The following NTN1 variants were observed in gnomAD, a reference collection of about 807,000 sequenced individuals.
NTN1 encodes netrin 1.
A neutral mutation model predicts 54.2 loss-of-function variants in NTN1; 11 were observed. That is an observed-to-expected ratio of 0.20 (90% CI 0.13 to 0.34). The LOEUF (loss-of-function observed/expected upper bound fraction) is 0.34. NTN1 is among the 10% of genes least tolerant of loss of function. NTN1 has a pLI of 1.00. For missense variants in NTN1, 740 were observed against 893.1 expected (o/e 0.83, Z 2.18); for synonymous variants, 371 against 382.0 (o/e 0.97, Z 0.33).
intron 2 of NTN1, among the ~76,000 whole-genome samples, chr17:9,072,863 G>A (rs1359166305): frequency 6.6e-6 from 1 of 152,234 alleles, no homozygotes; most frequent in Non-Finnish European, 1.5e-5. Context: ...AACCAGCAAA[G>A]CAGCTGCTGT....
rs748383797 is a variant in NTN1, at chr17:9,243,074, T to C, written c.*3106T>C. 2.0e-5 allele frequency: 3 copies of C among 152,254 alleles called. No homozygotes were observed. The highest frequency in any genetic ancestry group is 4.4e-5 in the Non-Finnish European group (3 of 68,038). 9.4% of individuals were successfully genotyped at this position (152,254 alleles called of 1,614,324 possible). A position where few individuals can be genotyped will look rare whatever the true frequency, so the allele number is the denominator to read the frequency against. ...TTTTCTTACCAGCTGGGTGGTCTGG[T>C]GCCCCTGACAGCTGAGTGCCTGCTT... On this transcript the variant is annotated 3_prime_UTR_variant, in exon 7 of 7. Transcript: ENST00000173229.
chr17:9,232,410 A>C (rs1315193469), intron 6 of NTN1, among the ~76,000 whole-genome samples: 4 of 152,194 alleles, frequency 2.6e-5, no homozygotes, highest in African/African-American at 9.7e-5. Context: ...CCCACCTCCC[A>C]GGGGACAGGG....
At chr17:9,033,134 A>T (rs2091892920) in intron 2 of NTN1, among the ~76,000 whole-genome samples, 2 of 151,902 alleles carry the variant, frequency 1.3e-5, no homozygotes, top group African/African-American at 4.8e-5. Context: ...TTATATTTTT[A>T]GTAGAGATGG....
chr17:9,030,425 T>G (rs2091885152), intron 2 of NTN1, among the ~76,000 whole-genome samples: 1 of 152,196 alleles, frequency 6.6e-6, no homozygotes, highest in Admixed American at 6.5e-5. Context: ...TGCAGTGCAT[T>G]GGTGCATGTG....
intron 3 of NTN1, among the ~76,000 whole-genome samples, chr17:9,178,176 A>C (rs2092406319): frequency 6.6e-6 from 1 of 152,214 alleles, no homozygotes; most frequent in African/African-American, 2.4e-5. Flanking sequence ...TAGCCTGGGC[A>C]ACAAGAGTGA....
In NTN1 at chr17:9,243,314, AAGGCCCT is replaced by A. The variant is rs1567751622; in HGVS notation, c.*3347_*3353del. ...GCCCAGGGAGGCTGGGAGCTGCTCC[AAGGCCCT>A]GGAACTCTGCCTCAGTCGCGGCATG... On this transcript the variant is annotated 3_prime_UTR_variant, in exon 7 of 7. Transcript: ENST00000173229. 1.2e-4 allele frequency: 18 copies of A among 152,258 alleles called. No individual in the cohort carries two copies. Among genetic ancestry groups the A allele is most frequent in the Admixed American group, 1.2e-3 (18 of 15,286 alleles). 9.4% of individuals were successfully genotyped at this position (152,258 alleles called of 1,614,324 possible).
intron 3 of NTN1, chr17:9,173,207 C>T (rs2092391980): frequency 6.6e-6 from 1 of 152,500 alleles, no homozygotes; most frequent in African/African-American, 2.4e-5. Context: ...CGCCACCTTA[C>T]ATTAGGTCCG....
chr17:9,186,666 C>T (rs1318418629), intron 5 of NTN1, among the ~76,000 whole-genome samples: 1 of 152,212 alleles, frequency 6.6e-6, no homozygotes, highest in Non-Finnish European at 1.5e-5. Context: ...GGCAGCTGAA[C>T]CTCTCCGAGA....
intron 3 of NTN1, chr17:9,173,748 G>C (rs922677399): frequency 6.6e-6 from 1 of 152,310 alleles, no homozygotes; most frequent in Non-Finnish European, 1.5e-5. Context: ...TGGCTCCAGG[G>C]TTCAGCCCTC....
intron 5 of NTN1, among the ~76,000 whole-genome samples, chr17:9,184,591 C>T (rs781294094): frequency 5.3e-5 from 8 of 152,308 alleles, no homozygotes; most frequent in Non-Finnish European, 1.0e-4. Flanking sequence ...CTGAGGCTTC[C>T]GAGCAGGGGC....
At chr17:9,100,088 AC>A (rs113218154) in intron 2 of NTN1, among the ~76,000 whole-genome samples, 26,844 of 150,708 alleles carry the variant, frequency 0.18, 2,842 homozygotes, top group Non-Finnish European at 0.24. Flanking sequence ...TGCTGGGAAT[AC>A]TGACATGAGC....
At chr17:9,153,310 G>T (rs777684273) in intron 2 of NTN1, among the ~76,000 whole-genome samples, 3 of 152,108 alleles carry the variant, frequency 2.0e-5, no homozygotes, top group Non-Finnish European at 2.9e-5. Flanking sequence ...TTAGCAGGGC[G>T]TGGTGGCGGG....
intron 3 of NTN1, among the ~76,000 whole-genome samples, chr17:9,163,955 G>A (rs1393307912): frequency 6.6e-6 from 1 of 152,262 alleles, no homozygotes; most frequent in Non-Finnish European, 1.5e-5. Flanking sequence ...TCCTGACCTG[G>A]ACTTGTGTAG....
intron 2 of NTN1, among the ~76,000 whole-genome samples, chr17:9,141,161 A>C (rs984950711): frequency 6.6e-6 from 1 of 151,678 alleles, no homozygotes; most frequent in Non-Finnish European, 1.5e-5. Context: ...AGATGTGGGG[A>C]CTAGAGATAT....
At chr17:9,049,348 C>T (rs1342485314) in intron 2 of NTN1, among the ~76,000 whole-genome samples, 1 of 152,012 alleles carries the variant, frequency 6.6e-6, no homozygotes, top group African/African-American at 2.4e-5. Flanking sequence ...AAAGATGCCA[C>T]CTGAACCAAC....
At chr17:9,079,631 C>A (rs1474480315) in intron 2 of NTN1, among the ~76,000 whole-genome samples, 2 of 152,190 alleles carry the variant, frequency 1.3e-5, no homozygotes, top group African/African-American at 4.8e-5. Context: ...AGTGGTTCCC[C>A]AGCAGGCCTG....
intron 2 of NTN1, among the ~76,000 whole-genome samples, chr17:9,026,790 G>GT (rs1213319785): frequency 6.6e-6 from 1 of 152,016 alleles, no homozygotes; most frequent in Non-Finnish European, 1.5e-5. Flanking sequence ...GAAGCATGCT[G>GT]TTTAATCTTA....
chr17:9,125,648 C>T (rs2092244952), intron 2 of NTN1, among the ~76,000 whole-genome samples: 1 of 152,110 alleles, frequency 6.6e-6, no homozygotes, highest in African/African-American at 2.4e-5. Flanking sequence ...CTCTGTCACC[C>T]AGGCTGTAGT....
At position 9,077,398 on chromosome 17, in the gene NTN1, T is replaced by A. The variant is rs533730238; in HGVS notation, c.1018+54007T>A. Among the ~76,000 whole-genome samples the A allele has an allele frequency of 9.2e-5, 14 of 152,272 alleles. No individual in the cohort carries two copies. In the East Asian group the frequency reaches 2.7e-3, roughly 29 times the overall value. ...CAACAGGATATTGGAGGTGGGGCAG[T>A]GGCTGAGAATCAAAAGCCTTGGCTA... On this transcript the variant is annotated intron_variant, in intron 2 of 6. Transcript: ENST00000173229.
Sources: gnomAD v4.1 joint callset for allele counts (sites outside exome capture counted in the v4.1 genomes callset) on GRCh38, gnomAD v4.1.1 for gene constraint, MANE v1.5 for transcripts, NCBI Gene and HGNC (gene_info 2026-07-23, HGNC 2026-07-21) for gene names.